Variants in OTUD7A observed in about 807,000 individuals in gnomAD.
OTUD7A encodes the protein OTU deubiquitinase 7A, also known as OTU domain-containing protein 7A.
Under a neutral mutation model 65.7 loss-of-function variants are expected in OTUD7A, and 12 were observed. The observed-to-expected ratio is 0.18, with a 90% CI of 0.12 to 0.30. OTUD7A has a LOEUF of 0.30. Ranked by LOEUF, OTUD7A falls within the 10% of genes least tolerant of loss-of-function variation. The probability of loss-of-function intolerance (pLI) is 1.00; values close to 1 mark genes in which losing one functional copy is unlikely to be tolerated. For synonymous variants in OTUD7A, 641 were observed against 586.3 expected (o/e 1.09, Z -1.35); for missense variants, 1,148 against 1,304.8 (o/e 0.88, Z 1.85).
At chr15:31,766,793 C>A (rs1895103981) in intron 1 of OTUD7A, 12 of 1,612,956 alleles carry the variant, frequency 7.4e-6, no homozygotes, top group Non-Finnish European at 1.0e-5. Context: ...AACAGGAATT[C>A]CTGTTTGGGC....
intron 3 of OTUD7A, among the ~76,000 whole-genome samples, chr15:31,636,719 C>T (rs1891353032): frequency 6.6e-6 from 1 of 152,176 alleles, no homozygotes; most frequent in African/African-American, 2.4e-5. Flanking sequence ...ATTAGTAGTG[C>T]TACTCCAGTG....
At chr15:31,500,978 C>T (rs1301318103) in intron 10 of OTUD7A, among the ~76,000 whole-genome samples, 2 of 152,236 alleles carry the variant, frequency 1.3e-5, no homozygotes, top group Non-Finnish European at 2.9e-5. Flanking sequence ...AAACAAAATC[C>T]CCCTATTTCC....
At chr15:31,832,640 C>T (rs936642725) in intron 1 of OTUD7A, among the ~76,000 whole-genome samples, 8 of 152,150 alleles carry the variant, frequency 5.3e-5, no homozygotes, top group African/African-American at 1.4e-4. Flanking sequence ...CACAATTGTA[C>T]TTTCTGTCTC....
Position 31,483,776 on chromosome 15 carries a change from C to G in OTUD7A, c.2320G>C (p.Ala774Pro), listed in dbSNP as rs575385845. 263 of 1,060,436 alleles carry G rather than the reference C, an allele frequency of 2.5e-4. 5 individuals are homozygous for G. In the East Asian group the frequency reaches 0.014, roughly 57 times the overall value. 65.7% of individuals were successfully genotyped at this position (1,060,436 alleles called of 1,614,324 possible). Residue 774 changes from alanine to proline, a missense_variant, in exon 13 of 13, where the codon GCG (alanine) becomes CCG (proline). Coordinates refer to ENST00000307050, the MANE Select transcript of OTUD7A (RefSeq NM_001382637.1). ...PVPGRSPPAPARQSVIHVQAS... is the reference protein window; with the variant it reads ...PVPGRSPPAPPRQSVIHVQAS... ...TGCACGTGGATGACGCTCTGGCGCG[C>G]TGGCGCCGGGGGGCTGCGGCCAGGC...
chr15:31,570,047 C>G lies in OTUD7A; in HGVS notation c.302G>C (p.Cys101Ser). Reference sequence around the variant, plus strand: ...GGCAATGTCGTCCTGCCTCTGCAGGCAGGGTCGCTCCACCTTGTGCCCGGG... The same window carrying G: ...GGCAATGTCGTCCTGCCTCTGCAGGGAGGGTCGCTCCACCTTGTGCCCGGG... ...PQPGHKVERPCLQRQDDIAQE... is the reference protein window; with the variant it reads ...PQPGHKVERPSLQRQDDIAQE... Residue 101 changes from cysteine to serine, a missense_variant, in exon 4 of 13, where the codon TGC becomes TCC. Transcript: ENST00000307050. 1 of 1,614,180 alleles carries G rather than the reference C, an allele frequency of 6.2e-7. No homozygotes were observed. Among genetic ancestry groups the G allele is most frequent in the South Asian group, 1.1e-5 (1 of 91,076 alleles).
At chr15:31,598,578 G>A (rs540992735) in intron 3 of OTUD7A, among the ~76,000 whole-genome samples, 91 of 152,280 alleles carry the variant, frequency 6.0e-4, no homozygotes, top group African/African-American at 2.1e-3. Context: ...CTGGGCAGCC[G>A]TTCAGGCAGA....
chr15:31,652,534 G>T (rs1191270971), intron 3 of OTUD7A, among the ~76,000 whole-genome samples: 1 of 152,160 alleles, frequency 6.6e-6, no homozygotes, highest in Non-Finnish European at 1.5e-5. Context: ...CCTGTTAAGA[G>T]ACTGAAAAGT....
intron 1 of OTUD7A, among the ~76,000 whole-genome samples, chr15:31,717,752 A>T (rs1480900578): frequency 6.6e-6 from 1 of 152,184 alleles, no homozygotes; most frequent in Non-Finnish European, 1.5e-5. Flanking sequence ...TTGGGTATAT[A>T]CCCAGTAATG....
At chr15:31,801,053 C>CA (rs772401103) in intron 1 of OTUD7A, among the ~76,000 whole-genome samples, 5,501 of 91,026 alleles carry the variant, frequency 0.06, 161 homozygotes, top group African/African-American at 0.08. Flanking sequence ...CCAGCAGCCT[C>CA]AAAAAAAAAA....
At chr15:31,554,147 C>A (rs1888415422) in intron 5 of OTUD7A, among the ~76,000 whole-genome samples, 2 of 152,198 alleles carry the variant, frequency 1.3e-5, no homozygotes, top group Non-Finnish European at 2.9e-5. Flanking sequence ...TCCCTCCCTG[C>A]CCTCCAGCGG....
At chr15:31,692,841 G>A (rs1475142949) in intron 1 of OTUD7A, among the ~76,000 whole-genome samples, 11 of 150,532 alleles carry the variant, frequency 7.3e-5, no homozygotes, top group African/African-American at 2.7e-4. Context: ...GCCCACCTCT[G>A]GGGTGTTCAC....
chr15:31,847,492 A>G (rs1201510297), intron 1 of OTUD7A, among the ~76,000 whole-genome samples: 1 of 152,190 alleles, frequency 6.6e-6, no homozygotes, highest in Non-Finnish European at 1.5e-5. Flanking sequence ...ACTCCAGGGA[A>G]GCAGTAAAAT....
chr15:31,731,335 G>A (rs1489736438), intron 1 of OTUD7A, among the ~76,000 whole-genome samples: 3 of 152,174 alleles, frequency 2.0e-5, no homozygotes, highest in Non-Finnish European at 4.4e-5. Context: ...TCCTTCAGTA[G>A]GTGAATGGAT....
intron 8 of OTUD7A, among the ~76,000 whole-genome samples, chr15:31,506,861 T>C (rs1410706479): frequency 1.3e-5 from 2 of 152,224 alleles, no homozygotes; most frequent in East Asian, 1.9e-4. Flanking sequence ...TGGATTATTT[T>C]AAGCAGTGGG....
chr15:31,822,455 C>T (rs563227370), intron 1 of OTUD7A, among the ~76,000 whole-genome samples: 3 of 152,304 alleles, frequency 2.0e-5, no homozygotes, highest in Admixed American at 6.5e-5. Context: ...ATTCGACCAG[C>T]GTACCTAGTT....
At position 31,484,321 on chromosome 15, in the gene OTUD7A, TCCGACGGCGACGTGCTGG is replaced by T; in HGVS notation, c.1757_1774del (p.Ala586_Ser591del). 6.3e-7 allele frequency: 1 copy of T among 1,598,450 alleles called. No homozygotes were observed. The highest frequency in any genetic ancestry group is 1.1e-5 in the South Asian group (1 of 90,502). ...GTCTGTGGGCGACGGCGTGGTCTTT[TCCGACGGCGACGTGCTGG>T]CCGACGCACCAGACTCCTCCTTGCT... On this transcript the variant is annotated inframe_deletion, in exon 13 of 13. Coordinates refer to ENST00000307050, the MANE Select transcript of OTUD7A (RefSeq NM_001382637.1). This position sits in a 1 kb window ranked among gnomAD's most constrained non-coding sequence, Gnocchi z 4.5.
At chr15:31,842,214 T>C (rs1471458549) in intron 1 of OTUD7A, among the ~76,000 whole-genome samples, 1 of 152,180 alleles carries the variant, frequency 6.6e-6, no homozygotes, top group East Asian at 1.9e-4. Context: ...GTGAGAGCAG[T>C]GGTGACCCCA....
intron 1 of OTUD7A, among the ~76,000 whole-genome samples, chr15:31,714,862 G>A (rs543367868): frequency 1.5e-4 from 23 of 152,230 alleles, no homozygotes; most frequent in African/African-American, 4.3e-4. Flanking sequence ...TTGGCCAGGC[G>A]TGGTGGCTCA....
chr15:31,772,925 CTT>C lies in OTUD7A; in HGVS notation c.-100+97580_-100+97581del, dbSNP rs1217193934. Among the ~76,000 whole-genome samples the C allele has an allele frequency of 3.3e-5, 5 of 152,194 alleles. No individual in the cohort carries two copies. In the South Asian group the frequency reaches 6.2e-4, roughly 19 times the overall value. ...AATGTCAAGTAATGCTACAGGAACA[CTT>C]TGTTTCAATATTAACAATGTTGAAA... On this transcript the variant is annotated intron_variant, in intron 1 of 12. Coordinates refer to ENST00000307050, the MANE Select transcript of OTUD7A (RefSeq NM_001382637.1).
Sources: allele counts gnomAD v4.1 joint callset (sites outside exome capture counted in the v4.1 genomes callset), GRCh38; gene constraint gnomAD v4.1.1; non-coding constraint Gnocchi (gnomAD v3.1); transcripts MANE v1.5; gene names NCBI Gene and HGNC (gene_info 2026-07-23, HGNC 2026-07-21).